Variants in ARHGAP29 observed in about 807,000 individuals in gnomAD.
ARHGAP29 encodes Rho GTPase activating protein 29.
In ARHGAP29, 43 loss-of-function variants were observed where a neutral mutation model predicts 122.6. That is an observed-to-expected ratio of 0.35 (90% CI 0.27 to 0.45). The LOEUF is 0.45. ARHGAP29 is among the 20% of genes least tolerant of loss of function. The pLI is 1.00. For missense variants in ARHGAP29, 1,303 were observed against 1,477.2 expected, an observed-to-expected ratio of 0.88 and a Z score of 1.93; for synonymous variants, 506 against 497.1, an observed-to-expected ratio of 1.02 and a Z score of -0.24.
chr1:94,200,295 G>C (rs1324331763), intron 12 of ARHGAP29, among the ~76,000 whole-genome samples: 1 of 152,116 alleles, frequency 6.6e-6, no homozygotes. Flanking sequence ...ATAAGCCTTT[G>C]AAAAGATGCT....
chr1:94,231,433 A>G lies in ARHGAP29; in HGVS notation c.179T>C (p.Leu60Pro). The G allele has an allele frequency of 1.9e-6, 3 of 1,613,530 alleles. No homozygotes were observed. Among genetic ancestry groups the G allele is most frequent in the Non-Finnish European group, 2.5e-6 (3 of 1,179,542 alleles). The change falls in exon 2 of 23, where the codon CTA (leucine) becomes CCA (proline). Residue 60 changes from leucine (L) to proline (P), a missense_variant. Coordinates refer to ENST00000260526, the MANE Select transcript of ARHGAP29 (RefSeq NM_004815.4). ...TGAAAATATGGCTTCTTTCAAATAT[A>G]GTAACATGTGGGAGAACTTCCTGAT... is the stretch of plus-strand genomic sequence containing the variant. Reference protein sequence around the residue: ...NDIRKFSHMLLYLKEAIFSDC... With the variant: ...NDIRKFSHMLPYLKEAIFSDC...
intron 12 of ARHGAP29, among the ~76,000 whole-genome samples, chr1:94,199,089 C>A (rs764919490): frequency 6.6e-6 from 1 of 151,764 alleles, no homozygotes; most frequent in Non-Finnish European, 1.5e-5. Flanking sequence ...CGGGGCCTGT[C>A]GGGGGGCTGG....
the ARHGAP29 span, among the ~76,000 whole-genome samples, chr1:94,295,513 G>A: frequency 1.3e-5 from 2 of 152,158 alleles, no homozygotes; most frequent in African/African-American, 2.4e-5. Flanking sequence ...GAAATGGAGC[G>A]ATTCTAATTG....
chr1:94,260,536 A>G (rs1654520695), intron 1 of ARHGAP29, among the ~76,000 whole-genome samples: 1 of 152,172 alleles, frequency 6.6e-6, no homozygotes, highest in Non-Finnish European at 1.5e-5. Flanking sequence ...GTAATCTGGC[A>G]AGGAAGCTTT....
chr1:94,174,551 T>C lies in ARHGAP29; in HGVS notation c.3104A>G (p.Asn1035Ser), dbSNP rs1648965768. Residue 1035 changes from asparagine (N) to serine (S), a missense_variant, in exon 23 of 23, where the codon AAT becomes AGT. This residue lies in a region of ARHGAP29 where 620 missense variants were observed against 651.2 expected (regional missense o/e 0.95). Transcript: ENST00000260526. ...ATTTACATTTCCCATATTTCTGCCA[T>C]TTCTCTCATTAGGAGGACTTGCAAG... ...LLLASPPNER[N>S]GRNMGNVNLD... 1.9e-6 allele frequency: 3 copies of C among 1,614,232 alleles called. No homozygotes were observed. Among genetic ancestry groups the C allele is most frequent in the Non-Finnish European group, 2.5e-6 (3 of 1,180,040 alleles).
intron 3 of ARHGAP29, among the ~76,000 whole-genome samples, chr1:94,213,680 C>T (rs1481703306): frequency 2.0e-5 from 3 of 152,168 alleles, no homozygotes; most frequent in South Asian, 2.1e-4. Flanking sequence ...GGATGGGTTC[C>T]GAAGTCAGTC....
chr1:94,274,569 T>C (rs184968943), intron 1 of ARHGAP29, among the ~76,000 whole-genome samples: 3 of 152,324 alleles, frequency 2.0e-5, no homozygotes, highest in African/African-American at 7.2e-5. Flanking sequence ...TAATGGAGTC[T>C]AATGTGGGAA....
chr1:94,306,862 G>A, the ARHGAP29 span, among the ~76,000 whole-genome samples: 7 of 151,998 alleles, frequency 4.6e-5, no homozygotes, highest in Non-Finnish European at 8.8e-5. Context: ...AGTGTAACAT[G>A]GTAAAAAATA....
At chr1:94,221,974 T>TAA (rs71588515) in intron 2 of ARHGAP29, among the ~76,000 whole-genome samples, 208 of 138,066 alleles carry the variant, frequency 1.5e-3, no homozygotes, top group East Asian at 6.4e-3. Flanking sequence ...GGAAGAACTT[T>TAA]AAAAAAAAAA....
the ARHGAP29 span, among the ~76,000 whole-genome samples, chr1:94,298,125 G>A: frequency 6.6e-6 from 1 of 152,184 alleles, no homozygotes; most frequent in Admixed American, 6.5e-5. Flanking sequence ...TGTCGTTCTT[G>A]TAGATTGTGA....
the ARHGAP29 span, among the ~76,000 whole-genome samples, chr1:94,288,878 C>T: frequency 9.2e-5 from 14 of 152,276 alleles, no homozygotes; most frequent in South Asian, 1.4e-3. Flanking sequence ...GGTACCAGTA[C>T]CATGCTGTTT....
At chr1:94,248,697 G>C (rs1195652265) in intron 1 of ARHGAP29, among the ~76,000 whole-genome samples, 1 of 152,170 alleles carries the variant, frequency 6.6e-6, no homozygotes, top group Non-Finnish European at 1.5e-5. Flanking sequence ...AGATGTTTTT[G>C]TTTTGTTTTG....
At chr1:94,282,713 A>G in the ARHGAP29 span, among the ~76,000 whole-genome samples, 13 of 152,172 alleles carry the variant, frequency 8.5e-5, no homozygotes, top group Non-Finnish European at 1.8e-4. Flanking sequence ...CTAGAGGTCC[A>G]TGGCCCTGAG....
At chr1:94,215,269 T>G (rs1207885639) in intron 3 of ARHGAP29, among the ~76,000 whole-genome samples, 1 of 151,672 alleles carries the variant, frequency 6.6e-6, no homozygotes, top group Non-Finnish European at 1.5e-5. Context: ...AATATGTATA[T>G]TTTCCTTAAT....
upstream of ARHGAP29, among the ~76,000 whole-genome samples, chr1:94,242,199 C>A (rs1653615683): frequency 6.6e-6 from 1 of 152,080 alleles, no homozygotes; most frequent in Non-Finnish European, 1.5e-5. Context: ...CCAGGTTTCC[C>A]ACAGGGCTGG....
chr1:94,243,266 T>C (rs1653671367), intron 1 of ARHGAP29, among the ~76,000 whole-genome samples: 1 of 152,048 alleles, frequency 6.6e-6, no homozygotes, highest in Non-Finnish European at 1.5e-5. Context: ...TTCAAATGTA[T>C]ATGGAATATT....
At chr1:94,176,474 G>A (rs1240013555) in intron 22 of ARHGAP29, 2 of 152,168 alleles carry the variant, frequency 1.3e-5, no homozygotes, top group Admixed American at 6.5e-5. Context: ...TCTTTCAGAC[G>A]GTTAGTTATG....
chr1:94,293,765 G>GT, the ARHGAP29 span, among the ~76,000 whole-genome samples: 1 of 152,224 alleles, frequency 6.6e-6, no homozygotes, highest in Non-Finnish European at 1.5e-5. Context: ...CTCCATGGGT[G>GT]TGCCACCCTC....
chr1:94,237,347 G>C (rs1333320382), intron 1 of ARHGAP29, 68 bp downstream of exon 1: 8 of 967,604 alleles, frequency 8.3e-6, no homozygotes, highest in Middle Eastern at 5.3e-4. Flanking sequence ...GCGGGCGCTC[G>C]CGCGGGCAAC....
Sources: allele counts gnomAD v4.1 joint callset (sites outside exome capture counted in the v4.1 genomes callset), GRCh38; gene constraint gnomAD v4.1.1; regional missense constraint gnomAD v4.1.1; transcripts MANE v1.5; gene names NCBI Gene and HGNC (gene_info 2026-07-23, HGNC 2026-07-21).